The following GALNTL6 variants were observed in gnomAD, a reference collection of about 807,000 sequenced individuals.
The protein encoded by GALNTL6 is polypeptide N-acetylgalactosaminyltransferase-like 6.
In GALNTL6, 46 loss-of-function variants were observed where a neutral mutation model predicts 73.7. That is an observed-to-expected ratio of 0.62 (90% CI 0.49 to 0.80). The LOEUF (loss-of-function observed/expected upper bound fraction) is 0.80, where lower values mean the gene tolerates loss of function less well. GALNTL6 is among the 30% of genes least tolerant of loss of function. GALNTL6 has a pLI of 0.00. For synonymous variants in GALNTL6, 259 were observed against 263.7 expected (o/e 0.98, Z 0.17); for missense variants, 604 against 755.0 (o/e 0.80, Z 2.34).
intron 5 of GALNTL6, among the ~76,000 whole-genome samples, chr4:172,624,861 C>T (rs1433732492): frequency 6.6e-6 from 1 of 151,018 alleles, no homozygotes; most frequent in Non-Finnish European, 1.5e-5. Flanking sequence ...AGTTTGTAAC[C>T]TGGGTATATT....
intron 5 of GALNTL6, among the ~76,000 whole-genome samples, chr4:172,715,014 TA>T (rs1487538543): frequency 3.3e-5 from 5 of 151,888 alleles, no homozygotes; most frequent in Non-Finnish European, 7.4e-5. Context: ...GGAGGAAAAC[TA>T]ATCAAATTCT....
At chr4:172,914,095 A>C (rs965133113) in intron 8 of GALNTL6, among the ~76,000 whole-genome samples, 1 of 152,234 alleles carries the variant, frequency 6.6e-6, no homozygotes, top group African/African-American at 2.4e-5. Context: ...GCCAATATTC[A>C]ACATTCTTAA....
intron 4 of GALNTL6, among the ~76,000 whole-genome samples, chr4:172,341,450 CAAAAAAAAAAAAAAA>C (rs4048503): frequency 8.5e-6 from 1 of 118,022 alleles, no homozygotes; most frequent in East Asian, 2.8e-4. Flanking sequence ...GACTCCGTCT[CAAAAAAAAAAAAAAA>C]AAAAAAAAAA....
chr4:172,316,418 CTT>C (rs1384054042), intron 4 of GALNTL6, among the ~76,000 whole-genome samples: 3 of 152,092 alleles, frequency 2.0e-5, no homozygotes, highest in Admixed American at 6.5e-5. Flanking sequence ...TGTATTGTGA[CTT>C]TTTATCATTT....
At chr4:172,629,842 A>G (rs996448898) in intron 5 of GALNTL6, among the ~76,000 whole-genome samples, 6 of 152,308 alleles carry the variant, frequency 3.9e-5, no homozygotes, top group African/African-American at 1.4e-4. Flanking sequence ...ATGACACCCT[A>G]GGACTTGTGT....
intron 10 of GALNTL6, among the ~76,000 whole-genome samples, chr4:172,960,850 G>A (rs563549950): frequency 6.6e-6 from 1 of 152,268 alleles, no homozygotes; most frequent in African/African-American, 2.4e-5. Flanking sequence ...GAGAACACAG[G>A]CTAAGGAAGA....
At chr4:171,884,898 A>G (rs1007496815) in intron 2 of GALNTL6, among the ~76,000 whole-genome samples, 1 of 151,974 alleles carries the variant, frequency 6.6e-6, no homozygotes, top group Non-Finnish European at 1.5e-5. Flanking sequence ...TCTACTAAAA[A>G]TACAAAAAAT....
intron 3 of GALNTL6, among the ~76,000 whole-genome samples, chr4:172,287,845 C>T (rs556440090): frequency 6.6e-6 from 1 of 152,220 alleles, no homozygotes; most frequent in African/African-American, 2.4e-5. Context: ...TGGGAATGAG[C>T]GCTGAGCTTG....
intron 7 of GALNTL6, among the ~76,000 whole-genome samples, chr4:172,831,696 A>G (rs1167551089): frequency 5.3e-5 from 8 of 152,182 alleles, no homozygotes; most frequent in African/African-American, 1.9e-4. Context: ...TGCAAAATTC[A>G]TATGTCAAAG....
chr4:172,938,219 C>T (rs1446359304), intron 9 of GALNTL6, among the ~76,000 whole-genome samples: 3 of 152,148 alleles, frequency 2.0e-5, no homozygotes, highest in Non-Finnish European at 4.4e-5. Context: ...CTGGTGACAT[C>T]CAGCTCTGCT....
At chr4:173,009,426 T>A (rs942101769) in intron 11 of GALNTL6, 132 bp downstream of exon 11, 2 of 634,252 alleles carry the variant, frequency 3.2e-6, no homozygotes, top group Non-Finnish European at 5.7e-6. Flanking sequence ...GGCCGCTGTA[T>A]CACCAACCAG....
intron 5 of GALNTL6, among the ~76,000 whole-genome samples, chr4:172,744,772 C>T (rs1736997032): frequency 6.6e-6 from 1 of 151,708 alleles, no homozygotes; most frequent in Non-Finnish European, 1.5e-5. Context: ...ACTGTTGATA[C>T]CAAGAAGTCA....
At chr4:172,502,036 A>G (rs985431373) in intron 5 of GALNTL6, among the ~76,000 whole-genome samples, 2 of 152,180 alleles carry the variant, frequency 1.3e-5, no homozygotes, top group Non-Finnish European at 2.9e-5. Flanking sequence ...GGAGTAATAG[A>G]TATGTACTAT....
chr4:172,242,698 A>C (rs1737487240), intron 3 of GALNTL6, among the ~76,000 whole-genome samples: 1 of 152,186 alleles, frequency 6.6e-6, no homozygotes, highest in South Asian at 2.1e-4. Context: ...GTCTTCTGTC[A>C]TTTTATTCAT....
intron 5 of GALNTL6, among the ~76,000 whole-genome samples, chr4:172,457,434 C>T (rs1290917395): frequency 6.6e-6 from 1 of 152,134 alleles, no homozygotes; most frequent in East Asian, 1.9e-4. Flanking sequence ...TATAAAATGT[C>T]AAGACCCATC....
At position 173,027,563 on chromosome 4, in the gene GALNTL6, T is replaced by C. The variant is rs190319127; in HGVS notation, c.1638+5938T>C. On this transcript the variant is annotated intron_variant, in intron 12 of 12. Transcript: ENST00000506823. ...AATAAAATAAACTAAATTAATCTAA[T>C]AGGAAGTATAGCCAAAAACCCACAA... Among the ~76,000 whole-genome samples, 432 of 152,306 alleles carry C rather than the reference T, an allele frequency of 2.8e-3. 3 individuals are homozygous for C. The highest frequency in any genetic ancestry group is 4.8e-3 in the Non-Finnish European group (329 of 68,016).
chr4:172,882,761 C>T (rs1745524287), intron 7 of GALNTL6, 29 bp from the exon 8 acceptor site: 2 of 1,330,032 alleles, frequency 1.5e-6, no homozygotes, highest in Non-Finnish European at 2.2e-6. Flanking sequence ...GTTCATAGTC[C>T]TTTAAAGATT....
chr4:172,263,362 CT>C (rs1738321443), intron 3 of GALNTL6, among the ~76,000 whole-genome samples: 1 of 151,162 alleles, frequency 6.6e-6, no homozygotes, highest in African/African-American at 2.4e-5. Flanking sequence ...ATTTGAAAGC[CT>C]TGTTTCTGAA....
intron 6 of GALNTL6, among the ~76,000 whole-genome samples, chr4:172,811,278 C>A (rs182666740): frequency 2.9e-4 from 44 of 152,278 alleles, no homozygotes; most frequent in African/African-American, 1.1e-3. Context: ...ATTAGTCATG[C>A]TGCTTTCAAC....
Sources: allele counts gnomAD v4.1 joint callset (sites outside exome capture counted in the v4.1 genomes callset), GRCh38; gene constraint gnomAD v4.1.1; transcripts MANE v1.5; gene names NCBI Gene and HGNC (gene_info 2026-07-23, HGNC 2026-07-21).